Variants in TMIE observed in about 807,000 individuals in gnomAD.
TMIE encodes the protein transmembrane inner ear expressed protein.
In TMIE, 14 loss-of-function variants were observed where a neutral mutation model predicts 16.8. The ratio of observed to expected loss-of-function variants is 0.83; its 90% CI spans 0.55 to 1.30. The LOEUF (loss-of-function observed/expected upper bound fraction) is 1.30, where lower values mean the gene tolerates loss of function less well. Ranked by LOEUF, TMIE falls within the 50% of genes most tolerant of loss-of-function variation. TMIE has a pLI of 0.00. For missense variants in TMIE, 204 were observed against 205.9 expected (o/e 0.99, Z 0.06); for synonymous variants, 75 against 87.2 (o/e 0.86, Z 0.78).
At chr3:46,699,809 A>G (rs9867730), upstream of TMIE, among the ~76,000 whole-genome samples, 117,876 of 152,206 alleles carry the variant, frequency 0.77, 45,800 homozygotes, top group African/African-American at 0.83. Flanking sequence ...GCAGCAGAGC[A>G]CTGCCTGTCC....
Position 46,709,969 on chromosome 3 carries a change from C to T in TMIE, c.*281C>T. The T allele has an allele frequency of 2.0e-6, 1 of 499,208 alleles. No individual in the cohort carries two copies. The highest frequency in any genetic ancestry group is 3.6e-6 in the Non-Finnish European group (1 of 278,998). 30.9% of individuals were successfully genotyped at this position (499,208 alleles called of 1,614,324 possible). A position where few individuals can be genotyped will look rare whatever the true frequency, so the allele number is the denominator to read the frequency against. On this transcript the variant is annotated 3_prime_UTR_variant, in exon 4 of 4. Coordinates refer to ENST00000643606, the MANE Select transcript of TMIE (RefSeq NM_147196.3). ...CCACCGTCCCTCTGCAGATACACTG[C>T]TCTCCCCACCCAGACCTGCCTGTCT...
chr3:46,704,050 C>G (rs1479317793), intron 1 of TMIE, among the ~76,000 whole-genome samples: 5 of 152,146 alleles, frequency 3.3e-5, no homozygotes, highest in Non-Finnish European at 7.4e-5. Flanking sequence ...AGATCTTACT[C>G]AAATTCTACA....
chr3:46,706,595 A>T (rs1471452822), intron 2 of TMIE, among the ~76,000 whole-genome samples: 2 of 152,182 alleles, frequency 1.3e-5, no homozygotes, highest in Non-Finnish European at 2.9e-5. Flanking sequence ...ACGAGGCAAA[A>T]GCAGAGTGGG....
Sources: allele counts gnomAD v4.1 joint callset (sites outside exome capture counted in the v4.1 genomes callset), GRCh38; gene constraint gnomAD v4.1.1; transcripts MANE v1.5; gene names NCBI Gene and HGNC (gene_info 2026-07-23, HGNC 2026-07-21).